NOSTRIN: variants seen among roughly 807,000 people sequenced by gnomAD.
NOSTRIN encodes BM247 homolog.
A neutral mutation model predicts 59.0 loss-of-function variants in NOSTRIN; 63 were observed. The ratio of observed to expected loss-of-function variants is 1.07; its 90% CI spans 0.87 to 1.32. The LOEUF is 1.32. Among genes scored for constraint, NOSTRIN ranks in the 40% most tolerant of loss-of-function variants. The pLI, the probability that NOSTRIN is intolerant of heterozygous loss-of-function variation, is 0.00. For missense variants in NOSTRIN, 512 were observed against 473.1 expected, an observed-to-expected ratio of 1.08 and a Z score of -0.76; for synonymous variants, 200 against 165.4, an observed-to-expected ratio of 1.21 and a Z score of -1.61.
chr2:168,787,007 G>A (rs565566686), intron 1 of NOSTRIN: 1 of 152,312 alleles, frequency 6.6e-6, no homozygotes, highest in South Asian at 2.1e-4. Context: ...GGGATTACAG[G>A]CGTGAGCCAC....
intron 3 of NOSTRIN, among the ~76,000 whole-genome samples, chr2:168,827,618 G>A (rs1687125759): frequency 6.6e-6 from 1 of 152,018 alleles, no homozygotes; most frequent in Non-Finnish European, 1.5e-5. Flanking sequence ...CTGTTGCCCA[G>A]GCTGGAGTAC....
chr2:168,832,093 G>A (rs1687396064), intron 6 of NOSTRIN, among the ~76,000 whole-genome samples: 1 of 152,162 alleles, frequency 6.6e-6, no homozygotes, highest in African/African-American at 2.4e-5. Context: ...GTAGTGATAT[G>A]TAAAAGGGGA....
chr2:168,837,559 T>A (rs896568848), intron 7 of NOSTRIN, among the ~76,000 whole-genome samples: 2 of 152,120 alleles, frequency 1.3e-5, no homozygotes, highest in Non-Finnish European at 2.9e-5. Flanking sequence ...TCCGCCCGCC[T>A]CGGCCTCCCA....
upstream of NOSTRIN, among the ~76,000 whole-genome samples, chr2:168,796,566 C>G (rs190678151): frequency 1.3e-5 from 2 of 152,354 alleles, no homozygotes; most frequent in Non-Finnish European, 2.9e-5. Flanking sequence ...GACTCCAGCT[C>G]TCCCAAACTT....
At chr2:168,853,079 G>GC (rs535825059) in intron 10 of NOSTRIN, among the ~76,000 whole-genome samples, 68 of 152,204 alleles carry the variant, frequency 4.5e-4, no homozygotes, top group Non-Finnish European at 8.8e-4. Flanking sequence ...TAAGGAGGCA[G>GC]CCATGATGAC....
intron 8 of NOSTRIN, chr2:168,850,767 CTCTGGAATCCATGATTG>C: frequency 1.4e-6 from 1 of 722,608 alleles, no homozygotes; most frequent in Non-Finnish European, 2.3e-6. Flanking sequence ...CTCTGGAATT[CTCTGGAATCCATGATTG>C]TGTCTCAAAT....
At chr2:168,861,108 A>G (rs547566052) in intron 14 of NOSTRIN, among the ~76,000 whole-genome samples, 199 bp downstream of exon 14, 1 of 152,350 alleles carries the variant, frequency 6.6e-6, no homozygotes, top group South Asian at 2.1e-4. Context: ...GGGTTGGGAA[A>G]GTATCCTATG....
At chr2:168,862,756 C>CTTCTTTAT (rs143166986) in intron 15 of NOSTRIN, among the ~76,000 whole-genome samples, 44,315 of 151,710 alleles carry the variant, frequency 0.29, 7,885 homozygotes, top group East Asian at 0.58. Flanking sequence ...CAGCCTCAAC[C>CTTCTTTAT]TTCTTTATGT....
At chr2:168,856,210 G>A (rs1689095032) in intron 11 of NOSTRIN, 2 of 222,816 alleles carry the variant, frequency 9.0e-6, no homozygotes, top group Non-Finnish European at 1.8e-5. Flanking sequence ...TGAAGAGAAA[G>A]GTAAACAGTT....
chr2:168,864,944 G>T lies in NOSTRIN; in HGVS notation c.1495G>T (p.Ala499Ser). 6.2e-7 allele frequency: 1 copy of T among 1,614,108 alleles called. No homozygotes were observed. The highest frequency in any genetic ancestry group is 1.3e-5 in the African/African-American group (1 of 75,044). ...TTATGTGGAGGAGTTACCTTCAAAT[G>T]CTGGCAACACAGCTACAAAGGCATA... ...AAYVEELPSN[A>S]GNTATKA Residue 499 changes from alanine (A) to serine (S), a missense_variant, in exon 16 of 16, where the codon GCT becomes TCT. Ala to Ser is a moderately conservative substitution (Grantham distance 99). Transcript: ENST00000317647.
At chr2:168,814,534 A>G (rs898641104) in intron 2 of NOSTRIN, among the ~76,000 whole-genome samples, 1 of 152,246 alleles carries the variant, frequency 6.6e-6, no homozygotes, top group Non-Finnish European at 1.5e-5. Context: ...TTACTCTTCA[A>G]AAGAAACTAT....
chr2:168,802,379 A>G (rs966371033), upstream of NOSTRIN: 9 of 445,850 alleles, frequency 2.0e-5, no homozygotes, highest in Admixed American at 2.8e-4. Flanking sequence ...TACGCTGTTC[A>G]GGACTCAGGA....
chr2:168,848,900 CA>C (rs1688584983), intron 8 of NOSTRIN, among the ~76,000 whole-genome samples: 1 of 152,146 alleles, frequency 6.6e-6, no homozygotes, highest in Non-Finnish European at 1.5e-5. Flanking sequence ...CACTTAATGA[CA>C]CTGAAATGGA....
chr2:168,806,355 C>G (rs1685850879), intron 1 of NOSTRIN, among the ~76,000 whole-genome samples: 1 of 152,046 alleles, frequency 6.6e-6, no homozygotes, highest in African/African-American at 2.4e-5. Context: ...CTTAATCATT[C>G]AAGCAGAAAG....
chr2:168,817,066 G>A (rs2433680), intron 2 of NOSTRIN, among the ~76,000 whole-genome samples: 12,617 of 152,286 alleles, frequency 0.083, 589 homozygotes, highest in East Asian at 0.13. Flanking sequence ...ACTGTGTTAA[G>A]TGTGTCTTAT....
chr2:168,840,529 C>CAAAAAAAAAACAAAAA (rs1688021669), intron 7 of NOSTRIN, among the ~76,000 whole-genome samples: 1 of 99,324 alleles, frequency 1.0e-5, no homozygotes, highest in Non-Finnish European at 2.0e-5. Flanking sequence ...GACTCCATCT[C>CAAAAAAAAAACAAAAA]AAAAAAAAAA....
In NOSTRIN at chr2:168,851,150, C is replaced by G. The variant is rs1688743772; in HGVS notation, c.697C>G (p.His233Asp). The change falls in exon 9 of 16, where the codon CAT becomes GAT. Residue 233 changes from histidine to aspartate, a missense_variant. By Grantham distance (81) the His-to-Asp change is moderately conservative. Transcript: ENST00000317647. ...CAATAACTTAAACCAGTACAGCCAA[C>G]ATATTTCTCTTTTTGGCCAAACCCT... ...LCNNLNQYSQ[H>D]ISLFGQTLTT... The G allele has an allele frequency of 2.5e-6, 4 of 1,610,082 alleles. No homozygotes were observed. Among genetic ancestry groups the G allele is most frequent in the South Asian group, 2.2e-5 (2 of 90,994 alleles).
At chr2:168,808,364 C>T (rs1685969902) in intron 1 of NOSTRIN, among the ~76,000 whole-genome samples, 1 of 152,190 alleles carries the variant, frequency 6.6e-6, no homozygotes, top group Non-Finnish European at 1.5e-5. Flanking sequence ...CCTTCCACTC[C>T]TGCTTCCCCT....
At chr2:168,817,166 A>C (rs1358980764) in intron 2 of NOSTRIN, among the ~76,000 whole-genome samples, 2 of 152,312 alleles carry the variant, frequency 1.3e-5, no homozygotes, top group East Asian at 3.9e-4. Context: ...AAGATGATAC[A>C]TTTGGATTCC....
Sources: gnomAD v4.1 joint callset for allele counts (sites outside exome capture counted in the v4.1 genomes callset) on GRCh38, gnomAD v4.1.1 for gene constraint, MANE v1.5 for transcripts, NCBI Gene and HGNC (gene_info 2026-07-23, HGNC 2026-07-21) for gene names.